BSDC1: variants seen among roughly 807,000 people sequenced by gnomAD.
BSDC1 encodes the protein BSD domain containing 1, also known as BSD domain-containing protein 1.
A neutral mutation model predicts 56.0 loss-of-function variants in BSDC1; 29 were observed. The observed-to-expected ratio is 0.52, with a 90% CI of 0.39 to 0.71. BSDC1 has a LOEUF of 0.71. Ranked by LOEUF, BSDC1 falls within the 30% of genes least tolerant of loss-of-function variation. BSDC1 has a pLI of 0.00. For missense variants in BSDC1, 477 were observed against 548.5 expected, an observed-to-expected ratio of 0.87 and a Z score of 1.30; for synonymous variants, 210 against 215.3, an observed-to-expected ratio of 0.98 and a Z score of 0.21.
intron 1 of BSDC1, 45 bp downstream of exon 1, chr1:32,394,359 G>C: frequency 1.2e-6 from 2 of 1,613,940 alleles, no homozygotes; most frequent in Non-Finnish European, 1.7e-6. Flanking sequence ...CCCAACCCTG[G>C]GAGAATTCAG....
intron 2 of BSDC1, among the ~76,000 whole-genome samples, chr1:32,388,630 C>T (rs1642753091): frequency 6.6e-6 from 1 of 152,188 alleles, no homozygotes. Context: ...TCCACCTTTA[C>T]TTACAAAGCC....
In BSDC1 at chr1:32,376,755, A is replaced by G; in HGVS notation, c.677-14T>C. 1 of 1,348,190 alleles carries G rather than the reference A, an allele frequency of 7.4e-7. No individual in the cohort carries two copies. The highest frequency in any genetic ancestry group is 9.6e-7 in the Non-Finnish European group (1 of 1,040,296). 83.5% of individuals were successfully genotyped at this position (1,348,190 alleles called of 1,614,324 possible). On this transcript the variant is annotated splice_polypyrimidine_tract_variant and intron_variant, in intron 8 of 10. Transcript: ENST00000455895. ...CCATGAGCTCCTCTGTAGAGAGAGA[A>G]AGGGAGGGGCAAGAGGGAAATGTAA... is the stretch of plus-strand genomic sequence containing the variant.
chr1:32,391,926 T>G (rs1338897792), intron 2 of BSDC1, among the ~76,000 whole-genome samples: 1 of 152,194 alleles, frequency 6.6e-6, no homozygotes, highest in Non-Finnish European at 1.5e-5. Context: ...CTAGGTACTG[T>G]TCTTAGTGTT....
chr1:32,386,797 C>A lies in BSDC1; in HGVS notation c.171G>T (p.Val57=). ...TACTCACAGCCAGCTTCTCCTTGAC[C>A]ACGCTGGCCGTGGCTGCGATGGTAC... ...TACTIAATAS[V]VKEKLATEGS... Residue 57 remains valine (V), a synonymous_variant, in exon 3 of 11, where the codon GTG becomes GTT. Transcript: ENST00000455895. The A allele has an allele frequency of 6.2e-7, 1 of 1,612,844 alleles. No homozygotes were observed. The highest frequency in any genetic ancestry group is 8.5e-7 in the Non-Finnish European group (1 of 1,179,964).
chr1:32,391,882 T>C (rs936924175), intron 2 of BSDC1, among the ~76,000 whole-genome samples: 1 of 152,224 alleles, frequency 6.6e-6, no homozygotes, highest in Admixed American at 6.5e-5. Flanking sequence ...CAGCACTTAA[T>C]AACAGCTAAT....
intron 9 of BSDC1, among the ~76,000 whole-genome samples, chr1:32,369,875 C>T (rs1642007587): frequency 6.6e-6 from 1 of 152,266 alleles, no homozygotes; most frequent in Non-Finnish European, 1.5e-5. Flanking sequence ...TCCCTGCAAC[C>T]TCCGCCTCCT....
At chr1:32,373,559 T>C (rs1459425272) in intron 9 of BSDC1, among the ~76,000 whole-genome samples, 1 of 152,180 alleles carries the variant, frequency 6.6e-6, no homozygotes, top group Admixed American at 6.5e-5. Context: ...CTCAGCTCTG[T>C]CACCCAGGCT....
At position 32,376,490 on chromosome 1, in the gene BSDC1, G is replaced by A; in HGVS notation, c.928C>T (p.Leu310=). 6.2e-7 allele frequency: 1 copy of A among 1,611,178 alleles called. No homozygotes were observed. ...CCCTGTTCCTCCAAGGATGCCTCTAGCAGCTTTTGGGACAGGTCCTTGGGT... is the reference window on the plus strand; with the variant it reads ...CCCTGTTCCTCCAAGGATGCCTCTAACAGCTTTTGGGACAGGTCCTTGGGT... ...VLPKDLSQKL[L]EASLEEQGLA... The change falls in exon 9 of 11, where the codon CTA becomes TTA. Residue 310 remains leucine (L), a synonymous_variant. Coordinates refer to ENST00000455895, the MANE Select transcript of BSDC1 (RefSeq NM_018045.8).
At chr1:32,367,041 G>A in intron 10 of BSDC1, 1 of 1,009,018 alleles carries the variant, frequency 9.9e-7, no homozygotes, top group Non-Finnish European at 1.2e-6. Flanking sequence ...CAGATACTTG[G>A]CCCTGGACAC....
At chr1:32,384,293 C>A (rs561703027) in intron 3 of BSDC1, among the ~76,000 whole-genome samples, 2 of 152,206 alleles carry the variant, frequency 1.3e-5, no homozygotes, top group South Asian at 4.2e-4. Flanking sequence ...CAGAGAAGGT[C>A]CATGCCATAG....
intron 10 of BSDC1, chr1:32,367,387 T>C (rs2148104941): frequency 2.0e-6 from 2 of 985,458 alleles, no homozygotes; most frequent in Non-Finnish European, 2.4e-6. Flanking sequence ...GCTTTCTCTG[T>C]CCTGGGTATA....
At chr1:32,368,576 A>C in intron 9 of BSDC1, 26 bp from the exon 10 acceptor site, 1 of 1,613,596 alleles carries the variant, frequency 6.2e-7, no homozygotes, top group Non-Finnish European at 8.5e-7. Flanking sequence ...ACAGTGTGAA[A>C]AGCAGGAGGA....
intron 2 of BSDC1, 140 bp downstream of exon 2, chr1:32,393,940 T>G: frequency 1.4e-6 from 1 of 724,446 alleles, no homozygotes. Context: ...CGTGGACCGG[T>G]AGAGGCTAAA....
At chr1:32,384,825 CAT>C (rs1642611138) in intron 3 of BSDC1, among the ~76,000 whole-genome samples, 1 of 151,042 alleles carries the variant, frequency 6.6e-6, no homozygotes, top group Non-Finnish European at 1.5e-5. Flanking sequence ...GTGCCTGGCA[CAT>C]ATTGTTACAG....
intron 2 of BSDC1, among the ~76,000 whole-genome samples, chr1:32,388,561 C>G (rs746964474): frequency 1.3e-5 from 2 of 152,172 alleles, no homozygotes; most frequent in Non-Finnish European, 2.9e-5. Flanking sequence ...TCTGTCAGGG[C>G]AGACCGTGCT....
At position 32,364,687 on chromosome 1, in the gene BSDC1, C is replaced by T. The variant is rs1368698556; in HGVS notation, c.*1935G>A. On this transcript the variant is annotated 3_prime_UTR_variant, in exon 11 of 11. Coordinates refer to ENST00000455895, the MANE Select transcript of BSDC1 (RefSeq NM_018045.8). The stretch of plus-strand genomic sequence containing the variant: ...CTCCTGACCTTAGTGATCCACCCAC[C>T]TTGGCCTCCCAAAATGTTGGGATTA... Among the ~76,000 whole-genome samples the T allele has an allele frequency of 1.3e-5, 2 of 152,224 alleles. No homozygotes were observed. Among genetic ancestry groups the T allele is most frequent in the African/African-American group, 4.8e-5 (2 of 41,454 alleles).
intron 9 of BSDC1, among the ~76,000 whole-genome samples, chr1:32,372,851 G>T (rs1642142242): frequency 6.6e-6 from 1 of 152,176 alleles, no homozygotes; most frequent in Non-Finnish European, 1.5e-5. Flanking sequence ...ACTGCTCTTA[G>T]GTCACACGGT....
Position 32,366,657 on chromosome 1 carries a change from G to A in BSDC1, c.1261-3C>T. On this transcript the variant is annotated splice_region_variant and splice_polypyrimidine_tract_variant and intron_variant, in intron 10 of 10. Coordinates refer to ENST00000455895, the MANE Select transcript of BSDC1 (RefSeq NM_018045.8). Reference sequence around the variant, plus strand: ...TCCTCCCACTCTACATCTTCCAGCTGCAAATGGGAGGGGGTAATGGAAATC... The same window carrying A: ...TCCTCCCACTCTACATCTTCCAGCTACAAATGGGAGGGGGTAATGGAAATC... 6.8e-7 allele frequency: 1 copy of A among 1,464,722 alleles called. No homozygotes were observed. The highest frequency in any genetic ancestry group is 9.1e-7 in the Non-Finnish European group (1 of 1,104,416). The allele number at this position is 1,464,722 out of a possible 1,614,324, so 90.7% of individuals were successfully genotyped here.
At chr1:32,383,769 T>A in intron 4 of BSDC1, 61 bp downstream of exon 4, 1 of 1,528,832 alleles carries the variant, frequency 6.5e-7, no homozygotes. Context: ...GAGTACAGGA[T>A]GGAAGTTAAA....
Sources: allele counts gnomAD v4.1 joint callset (sites outside exome capture counted in the v4.1 genomes callset), GRCh38; gene constraint gnomAD v4.1.1; transcripts MANE v1.5; gene names NCBI Gene and HGNC (gene_info 2026-07-23, HGNC 2026-07-21).